SEL1L3: variants seen among roughly 807,000 people sequenced by gnomAD.
SEL1L3 encodes protein sel-1 homolog 3.
SEL1L3 carries 76 observed loss-of-function variants against 142.8 expected under a neutral mutation model. The observed-to-expected ratio is 0.53, with a 90% CI of 0.44 to 0.64. The LOEUF is 0.64. SEL1L3 is among the 30% of genes least tolerant of loss of function. The probability of loss-of-function intolerance (pLI) is 0.00; values close to 1 mark genes in which losing one functional copy is unlikely to be tolerated. For missense variants in SEL1L3, 1,262 were observed against 1,381.7 expected (o/e 0.91, Z 1.37); for synonymous variants, 504 against 519.6 (o/e 0.97, Z 0.41).
chr4:25,825,666 A>ATTTTTTTTTTT (rs33997941), intron 6 of SEL1L3, among the ~76,000 whole-genome samples: 1 of 74,026 alleles, frequency 1.4e-5, no homozygotes, highest in African/African-American at 5.3e-5. Flanking sequence ...TCTAAATTCT[A>ATTTTTTTTTTT]TTTTTTTTTT....
At chr4:25,767,702 C>T (rs1275176557) in intron 18 of SEL1L3, 38 bp downstream of exon 18, 1 of 1,490,272 alleles carries the variant, frequency 6.7e-7, no homozygotes, top group Non-Finnish European at 9.2e-7. Context: ...TATCCTTAAC[C>T]TCAGAGCTTC....
the SEL1L3 span, among the ~76,000 whole-genome samples, chr4:25,724,090 A>G: frequency 1.3e-3 from 200 of 152,280 alleles, no homozygotes; most frequent in African/African-American, 4.4e-3. Context: ...CAGTTCTTTC[A>G]ATTTTGAAAT....
At chr4:25,735,869 G>A in the SEL1L3 span, among the ~76,000 whole-genome samples, 12 of 124,810 alleles carry the variant, frequency 9.6e-5, no homozygotes, top group African/African-American at 2.5e-4. Flanking sequence ...TGGCTCTGTC[G>A]CCCAGGCTGG....
intron 11 of SEL1L3, among the ~76,000 whole-genome samples, chr4:25,794,650 G>A (rs899084435): frequency 1.3e-5 from 2 of 152,292 alleles, no homozygotes; most frequent in East Asian, 3.9e-4. Context: ...GTGGAAGACA[G>A]TGTGACGATT....
chr4:25,765,296 G>A, intron 20 of SEL1L3, 30 bp downstream of exon 20: 1 of 1,468,750 alleles, frequency 6.8e-7, no homozygotes, highest in African/African-American at 1.4e-5. Flanking sequence ...GCCCGGCCAA[G>A]AGCTGGTTTT....
chr4:25,847,327 C>T lies in SEL1L3; in HGVS notation c.700G>A (p.Ala234Thr), dbSNP rs1170362312. 1 of 1,613,630 alleles carries T rather than the reference C, an allele frequency of 6.2e-7. No individual in the cohort carries two copies. The highest frequency in any genetic ancestry group is 1.1e-5 in the South Asian group (1 of 91,016). ...WNMGYIWNLRANRIPQCPLEN... is the reference protein window; with the variant it reads ...WNMGYIWNLRTNRIPQCPLEN... ...AGAGGACACTGTGGAATCCTGTTTG[C>T]CCGAAGGTTCCAAATATAACCCATG... The change falls in exon 2 of 24, where the codon GCA becomes ACA. Residue 234 changes from alanine to threonine, a missense_variant. Physicochemically the swap from Ala to Thr is moderately conservative, Grantham distance 58. Transcript: ENST00000399878.
intron 12 of SEL1L3, among the ~76,000 whole-genome samples, chr4:25,790,123 G>T (rs2109190615): frequency 6.6e-6 from 1 of 152,294 alleles, no homozygotes; most frequent in African/African-American, 2.4e-5. Flanking sequence ...CCCTCTTTCT[G>T]GGTGAGTGGC....
intron 7 of SEL1L3, among the ~76,000 whole-genome samples, chr4:25,821,557 C>T (rs1421033070): frequency 6.6e-6 from 1 of 152,254 alleles, no homozygotes; most frequent in Non-Finnish European, 1.5e-5. Flanking sequence ...CAACCGACCC[C>T]AGCGTGAGCT....
chr4:25,863,445 G>A, upstream of SEL1L3: 1 of 700,524 alleles, frequency 1.4e-6, no homozygotes, highest in African/African-American at 1.8e-5. Context: ...CCTTTTGCGG[G>A]TCGCACAGAC....
chr4:25,718,291 A>T, the SEL1L3 span: 1 of 152,186 alleles, frequency 6.6e-6, no homozygotes, highest in African/African-American at 2.4e-5. Context: ...GTGACATTTG[A>T]TCAGGAGAAT....
intron 9 of SEL1L3, among the ~76,000 whole-genome samples, chr4:25,811,791 C>T (rs1443250756): frequency 1.4e-5 from 2 of 145,628 alleles, no homozygotes; most frequent in African/African-American, 5.1e-5. Context: ...TAGTAGCCAT[C>T]CTCATGGCTG....
Position 25,861,083 on chromosome 4 carries a change from C to A in SEL1L3, c.162+1592G>T, listed in dbSNP as rs145686612. Among the ~76,000 whole-genome samples, 11 of 152,290 alleles carry A rather than the reference C, an allele frequency of 7.2e-5. No individual in the cohort carries two copies. The East Asian group carries it at 2.1e-3, about 29-fold the overall frequency. ...GAGATGTCCACGTGGAACTTTTCGG[C>A]CCGGCCCATTTGTATATGAATGTTT... is the stretch of plus-strand genomic sequence containing the variant. On this transcript the variant is annotated intron_variant, in intron 1 of 23. Coordinates refer to ENST00000399878, the MANE Select transcript of SEL1L3 (RefSeq NM_015187.5).
intron 6 of SEL1L3, among the ~76,000 whole-genome samples, chr4:25,823,549 A>C (rs1302148710): frequency 6.6e-6 from 1 of 152,134 alleles, no homozygotes; most frequent in Non-Finnish European, 1.5e-5. Flanking sequence ...AAATAAAATA[A>C]AAATAACAAG....
intron 6 of SEL1L3, among the ~76,000 whole-genome samples, chr4:25,823,317 AC>A (rs1474345899): frequency 6.6e-6 from 1 of 152,142 alleles, no homozygotes; most frequent in Non-Finnish European, 1.5e-5. Context: ...GGAGTTCAAG[AC>A]CAGCCTGGCC....
chr4:25,755,072 T>C (rs1251312151), intron 23 of SEL1L3, among the ~76,000 whole-genome samples: 2 of 152,014 alleles, frequency 1.3e-5, no homozygotes, highest in African/African-American at 4.8e-5. Context: ...CATCTATTCT[T>C]AATCTTTTTT....
rs114423385 is a variant in SEL1L3, at chr4:25,756,797, C to T, written c.3259+737G>A. 525 of 1,224,472 alleles carry T rather than the reference C, an allele frequency of 4.3e-4. 2 individuals carry two copies. In the African/African-American group the frequency reaches 5.8e-3, roughly 14 times the overall value. The allele number at this position is 1,224,472 out of a possible 1,614,324, so 75.9% of individuals were successfully genotyped here. On this transcript the variant is annotated intron_variant, in intron 23 of 23. Coordinates refer to ENST00000399878, the MANE Select transcript of SEL1L3 (RefSeq NM_015187.5). ...TGTGGCCGAGGATTTTTATTCATTACGAGTGTTTGTTTATCCTCTTACACA... is the reference window on the plus strand; with the variant it reads ...TGTGGCCGAGGATTTTTATTCATTATGAGTGTTTGTTTATCCTCTTACACA...
At chr4:25,826,655 TA>T (rs1432920294) in intron 6 of SEL1L3, among the ~76,000 whole-genome samples, 1 of 152,086 alleles carries the variant, frequency 6.6e-6, no homozygotes, top group African/African-American at 2.4e-5. Context: ...TGAGTACGGC[TA>T]GCTTTTTTGG....
rs1193649864 is a variant in SEL1L3, at chr4:25,847,343, A to G, written c.684T>C (p.Tyr228=). The stretch of plus-strand genomic sequence containing the variant: ...TCCTGTTTGCCCGAAGGTTCCAAAT[A>G]TAACCCATGTTCCACTCAAGGCACA... ...HQVCLEWNMG[Y]IWNLRANRIP... The change falls in exon 2 of 24, where the codon TAT becomes TAC. Residue 228 remains tyrosine, a synonymous_variant. Coordinates refer to ENST00000399878, the MANE Select transcript of SEL1L3 (RefSeq NM_015187.5). The G allele has an allele frequency of 5.6e-6, 9 of 1,613,908 alleles. No homozygotes were observed. Among genetic ancestry groups the G allele is most frequent in the Non-Finnish European group, 7.6e-6 (9 of 1,179,906 alleles).
At chr4:25,779,317 G>A (rs1386947095) in intron 15 of SEL1L3, 114 bp from the exon 16 acceptor site, 2 of 1,191,982 alleles carry the variant, frequency 1.7e-6, no homozygotes, top group East Asian at 5.0e-5. Context: ...ACTTCTGATA[G>A]CTTTAAAACC....
Sources: allele counts gnomAD v4.1 joint callset (sites outside exome capture counted in the v4.1 genomes callset), GRCh38; gene constraint gnomAD v4.1.1; transcripts MANE v1.5; gene names NCBI Gene and HGNC (gene_info 2026-07-23, HGNC 2026-07-21).